MERTK: variants seen among roughly 807,000 people sequenced by gnomAD.
MERTK encodes tyrosine-protein kinase Mer.
In MERTK, 69 loss-of-function variants were observed where a neutral mutation model predicts 99.3. The observed-to-expected ratio is 0.70, with a 90% CI of 0.57 to 0.85. The LOEUF is 0.85. Among genes scored for constraint, MERTK ranks in the 40% least tolerant of loss-of-function variants. MERTK has a pLI of 0.00. For missense variants in MERTK, 1,125 were observed against 1,249.4 expected, an observed-to-expected ratio of 0.90 and a Z score of 1.50; for synonymous variants, 426 against 467.6, an observed-to-expected ratio of 0.91 and a Z score of 1.15.
chr2:111,898,844 G>A, intron 1 of MERTK, 48 bp downstream of exon 1: 2 of 1,545,032 alleles, frequency 1.3e-6, no homozygotes, highest in African/African-American at 1.4e-5. Context: ...GGGCTCCCAG[G>A]AGGAAGCAGG....
At chr2:111,902,136 T>C (rs944021680) in intron 1 of MERTK, among the ~76,000 whole-genome samples, 1 of 152,160 alleles carries the variant, frequency 6.6e-6, no homozygotes, top group Non-Finnish European at 1.5e-5. Flanking sequence ...CTGCCTGCCT[T>C]GGCCTCCCAA....
intron 1 of MERTK, among the ~76,000 whole-genome samples, chr2:111,925,292 ATTTTT>A (rs11433691): frequency 0.017 from 427 of 24,430 alleles, 4 homozygotes; most frequent in Middle Eastern, 0.05. Context: ...ATATATATAT[ATTTTT>A]TTTTTTTTTT....
intron 9 of MERTK, 194 bp downstream of exon 9, chr2:111,994,598 T>C: frequency 2.7e-6 from 2 of 749,400 alleles, no homozygotes; most frequent in Non-Finnish European, 2.4e-6. Flanking sequence ...AGTGAGACCC[T>C]GTCTCTACAA....
intron 10 of MERTK, among the ~76,000 whole-genome samples, chr2:111,999,434 GA>G (rs1230768822): frequency 6.6e-6 from 1 of 152,050 alleles, no homozygotes; most frequent in African/African-American, 2.4e-5. Flanking sequence ...GATTAGCTGG[GA>G]CCACAGTCAC....
At chr2:111,930,714 G>C (rs939155643) in intron 2 of MERTK, among the ~76,000 whole-genome samples, 1 of 152,166 alleles carries the variant, frequency 6.6e-6, no homozygotes, top group Non-Finnish European at 1.5e-5. Flanking sequence ...GTGTGTGACA[G>C]GGATAAGCTA....
chr2:112,025,853 G>A (rs919616948), intron 18 of MERTK, among the ~76,000 whole-genome samples: 3 of 152,146 alleles, frequency 2.0e-5, no homozygotes, highest in Non-Finnish European at 4.4e-5. Context: ...GCTCAGTGGC[G>A]TGAAGTACAT....
intron 18 of MERTK, chr2:112,022,623 C>A (rs1388066495): frequency 2.6e-6 from 2 of 769,792 alleles, no homozygotes; most frequent in Admixed American, 1.7e-5. Flanking sequence ...ATCCAAAGGG[C>A]CTCAGTCTCG....
At chr2:111,983,922 T>G (rs373119761) in intron 8 of MERTK, among the ~76,000 whole-genome samples, 11 of 152,348 alleles carry the variant, frequency 7.2e-5, no homozygotes, top group African/African-American at 2.6e-4. Context: ...GTACTTGAAT[T>G]GGGCTTGTGT....
At chr2:111,977,893 A>C (rs1315497564) in intron 7 of MERTK, among the ~76,000 whole-genome samples, 2 of 151,816 alleles carry the variant, frequency 1.3e-5, no homozygotes, top group East Asian at 3.9e-4. Context: ...TCTTTTTTGC[A>C]TTTTTATGTC....
At chr2:111,941,971 C>A (rs1473092663) in intron 2 of MERTK, among the ~76,000 whole-genome samples, 1 of 152,202 alleles carries the variant, frequency 6.6e-6, no homozygotes, top group African/African-American at 2.4e-5. Flanking sequence ...CCAGACGGTC[C>A]TTTGTGCCTC....
In MERTK at chr2:111,902,260, A is replaced by G. The variant is rs186656790; in HGVS notation, c.61+3464A>G. Among the ~76,000 whole-genome samples the G allele has an allele frequency of 1.3e-3, 196 of 152,338 alleles. 1 individual carries two copies. Among genetic ancestry groups the G allele is most frequent in the South Asian group, 4.1e-3 (20 of 4,832 alleles). ...TAGAAGGGCCAGTGAGTTACTAGTC[A>G]GCATTGGTCAAGAAGAGGTTCAATC... On this transcript the variant is annotated intron_variant, in intron 1 of 18. Coordinates refer to ENST00000295408, the MANE Select transcript of MERTK (RefSeq NM_006343.3).
In MERTK at chr2:112,028,483, CA is replaced by C. The variant is rs1240083827; in HGVS notation, c.2621del (p.Asn874IlefsTer22). ...GGAACCAAGCAGACGTTATTTACGT[CA>C]ATACACAGTTGCTGGAGAGCTCTGA... ...VRNQADVIYV[N>X]TQLLESSEGL... On this transcript the variant is annotated frameshift_variant, in exon 19 of 19. Transcript: ENST00000295408. LOFTEE classifies it low-confidence loss of function (END_TRUNC). 3.1e-6 allele frequency: 5 copies of C among 1,614,080 alleles called. No homozygotes were observed. The African/African-American group carries it at 5.3e-5, about 17-fold the overall frequency.
chr2:111,966,374 C>T (rs943140765), intron 5 of MERTK, among the ~76,000 whole-genome samples: 1 of 152,056 alleles, frequency 6.6e-6, no homozygotes, highest in Non-Finnish European at 1.5e-5. Flanking sequence ...AAAAAATAAC[C>T]AAACTAAAAG....
chr2:111,941,438 A>G (rs1012193464), intron 2 of MERTK, among the ~76,000 whole-genome samples: 85 of 152,236 alleles, frequency 5.6e-4, no homozygotes, highest in African/African-American at 1.9e-3. Flanking sequence ...CCATATCTTC[A>G]GTGCTGGGGC....
intron 8 of MERTK, among the ~76,000 whole-genome samples, chr2:111,983,768 A>G (rs1460294597): frequency 6.6e-6 from 1 of 152,174 alleles, no homozygotes; most frequent in African/African-American, 2.4e-5. Flanking sequence ...TGCTGTGGCC[A>G]CCTTGACCTA....
Position 111,929,505 on chromosome 2 carries a change from A to G in MERTK, c.447A>G (p.Pro149=). 1 of 1,612,570 alleles carries G rather than the reference A, an allele frequency of 6.2e-7. No homozygotes were observed. Among genetic ancestry groups the G allele is most frequent in the South Asian group, 1.1e-5 (1 of 90,648 alleles). Residue 149 remains proline, a synonymous_variant, in exon 2 of 19, where the codon CCA becomes CCG. Transcript: ENST00000295408. ...GAHHAITQFY[P]DDEVTAIIAS... ...ATCATGCAATTACACAGTTTTATCC[A>G]GATGATGAAGTTACAGCAATAATCG...
chr2:111,899,301 C>T (rs906307097), intron 1 of MERTK, among the ~76,000 whole-genome samples: 11 of 152,110 alleles, frequency 7.2e-5, no homozygotes, highest in Non-Finnish European at 1.3e-4. Context: ...AGTCCGGGAG[C>T]CGCGATAGAC....
intron 1 of MERTK, among the ~76,000 whole-genome samples, chr2:111,901,559 C>CTTTT (rs11459119): frequency 2.5e-4 from 33 of 131,164 alleles, no homozygotes; most frequent in Non-Finnish European, 3.8e-4. Context: ...TTCTTTCTTT[C>CTTTT]TTTTTTTTTT....
chr2:111,913,191 T>G (rs142373393), intron 1 of MERTK, among the ~76,000 whole-genome samples: 1 of 152,260 alleles, frequency 6.6e-6, no homozygotes, highest in Admixed American at 6.5e-5. Context: ...ATATATACTT[T>G]GAAATTATAC....
Sources: allele counts gnomAD v4.1 joint callset (sites outside exome capture counted in the v4.1 genomes callset), GRCh38; gene constraint gnomAD v4.1.1; transcripts MANE v1.5; gene names NCBI Gene and HGNC (gene_info 2026-07-23, HGNC 2026-07-21).